The following NKAIN3 variants were observed in gnomAD, a reference collection of about 807,000 sequenced individuals.
NKAIN3 encodes the protein sodium/potassium-transporting ATPase subunit beta-1-interacting protein 3.
A neutral mutation model predicts 30.2 loss-of-function variants in NKAIN3; 25 were observed. The ratio of observed to expected loss-of-function variants is 0.83; its 90% CI spans 0.60 to 1.16. NKAIN3 has a LOEUF of 1.16. Among genes scored for constraint, NKAIN3 ranks in the 50% most tolerant of loss-of-function variants. The pLI is 0.00. For synonymous variants in NKAIN3, 91 were observed against 89.6 expected (o/e 1.02, Z -0.09); for missense variants, 225 against 254.1 (o/e 0.89, Z 0.78).
rs182121518 is a variant in NKAIN3, at chr8:62,387,300, C to T, written c.54+138173C>T. Among the ~76,000 whole-genome samples the T allele has an allele frequency of 3.4e-3, 490 of 145,974 alleles. 3 individuals are homozygous for T. The highest frequency in any genetic ancestry group is 0.011 in the African/African-American group (457 of 40,098). ...CAATAAAACTGGAATATTAGAGTTT[C>T]GGATGGAGTTGTTATCTCAAACACA... On this transcript the variant is annotated intron_variant, in intron 1 of 6. Coordinates refer to ENST00000623646, the MANE Select transcript of NKAIN3 (RefSeq NM_001304533.3).
chr8:62,636,345 A>T (rs562311780), intron 3 of NKAIN3, among the ~76,000 whole-genome samples: 1 of 152,310 alleles, frequency 6.6e-6, no homozygotes, highest in African/African-American at 2.4e-5. Flanking sequence ...TAGCCTGTGA[A>T]GACTTACATA....
intron 4 of NKAIN3, among the ~76,000 whole-genome samples, chr8:62,896,855 G>A (rs543671735): frequency 3.9e-5 from 6 of 152,282 alleles, no homozygotes; most frequent in African/African-American, 1.4e-4. Flanking sequence ...ACCTTTAAGA[G>A]AGCAATCTCA....
chr8:62,555,416 CA>C (rs1235726878), intron 1 of NKAIN3, among the ~76,000 whole-genome samples: 6 of 151,734 alleles, frequency 4.0e-5, no homozygotes, highest in Non-Finnish European at 5.9e-5. Context: ...ACAGAATTAA[CA>C]GAACTAAGAT....
chr8:62,887,556 T>G (rs947250204), intron 4 of NKAIN3, among the ~76,000 whole-genome samples: 1 of 152,188 alleles, frequency 6.6e-6, no homozygotes, highest in Non-Finnish European at 1.5e-5. Context: ...TCTTGTTTTT[T>G]AAATAACTGT....
intron 1 of NKAIN3, among the ~76,000 whole-genome samples, chr8:62,347,539 T>A (rs1292282627): frequency 6.6e-6 from 1 of 152,016 alleles, no homozygotes; most frequent in Non-Finnish European, 1.5e-5. Context: ...AGTAGACATT[T>A]CCATGGAAAT....
chr8:62,607,418 A>C (rs1018921753), intron 3 of NKAIN3, among the ~76,000 whole-genome samples: 3 of 152,124 alleles, frequency 2.0e-5, no homozygotes, highest in African/African-American at 7.2e-5. Context: ...TCTTGGGACC[A>C]TTCAGCACCT....
chr8:62,759,423 T>C (rs897741298), intron 4 of NKAIN3, among the ~76,000 whole-genome samples: 1 of 152,184 alleles, frequency 6.6e-6, no homozygotes, highest in East Asian at 1.9e-4. Flanking sequence ...AGATGAATTA[T>C]GTAGCAGTTG....
intron 4 of NKAIN3, among the ~76,000 whole-genome samples, chr8:62,822,826 A>G (rs1443654635): frequency 6.6e-6 from 1 of 152,188 alleles, no homozygotes; most frequent in Non-Finnish European, 1.5e-5. Flanking sequence ...CTCTGTGTGA[A>G]CATCACAGAA....
chr8:62,313,248 T>A (rs1044530233), intron 1 of NKAIN3, among the ~76,000 whole-genome samples: 2 of 152,300 alleles, frequency 1.3e-5, no homozygotes, highest in African/African-American at 2.4e-5. Context: ...CTCACCCTGT[T>A]TTTGATCAAA....
intron 1 of NKAIN3, among the ~76,000 whole-genome samples, chr8:62,510,735 A>C (rs922915152): frequency 4.6e-5 from 7 of 152,108 alleles, no homozygotes; most frequent in Non-Finnish European, 7.4e-5. Context: ...TTTTAGGGGC[A>C]CAGTGAGATC....
intron 1 of NKAIN3, among the ~76,000 whole-genome samples, chr8:62,266,290 AAAC>A (rs1454123229): frequency 5.9e-5 from 9 of 152,184 alleles, no homozygotes; most frequent in Non-Finnish European, 1.3e-4. Flanking sequence ...ATACTACTGA[AAAC>A]AATCATAAAA....
intron 4 of NKAIN3, among the ~76,000 whole-genome samples, chr8:62,790,581 C>CTGTG (rs35454019): frequency 1.1e-3 from 160 of 147,474 alleles, no homozygotes; most frequent in South Asian, 5.6e-3. Flanking sequence ...GTCTGTCTGT[C>CTGTG]TGTGTGTGTG....
At chr8:62,592,298 C>A (rs1585986210) in intron 3 of NKAIN3, among the ~76,000 whole-genome samples, 1 of 151,998 alleles carries the variant, frequency 6.6e-6, no homozygotes, top group African/African-American at 2.4e-5. Context: ...GAGATTCTTA[C>A]AATGCTGGGC....
chr8:62,668,376 C>T (rs1325394135), intron 3 of NKAIN3, among the ~76,000 whole-genome samples: 1 of 152,086 alleles, frequency 6.6e-6, no homozygotes, highest in Non-Finnish European at 1.5e-5. Flanking sequence ...TTGGTATTGT[C>T]TATGACATAC....
intron 1 of NKAIN3, among the ~76,000 whole-genome samples, chr8:62,309,398 A>G (rs1814356131): frequency 6.6e-6 from 1 of 150,722 alleles, no homozygotes; most frequent in South Asian, 2.1e-4. Flanking sequence ...TAATGCACAT[A>G]CAAGTCACAT....
chr8:62,489,982 T>G (rs1171940393), intron 1 of NKAIN3, among the ~76,000 whole-genome samples: 3 of 152,192 alleles, frequency 2.0e-5, no homozygotes, highest in Admixed American at 6.5e-5. Flanking sequence ...AAGCCCTTAT[T>G]CAATTTTCTT....
intron 1 of NKAIN3, among the ~76,000 whole-genome samples, chr8:62,411,021 C>A (rs1054728879): frequency 6.6e-6 from 1 of 152,132 alleles, no homozygotes; most frequent in Admixed American, 6.5e-5. Context: ...GGCAGAGGGG[C>A]TCCTTCCTAA....
intron 1 of NKAIN3, among the ~76,000 whole-genome samples, chr8:62,402,716 T>C (rs1803920966): frequency 1.3e-5 from 2 of 152,218 alleles, no homozygotes; most frequent in South Asian, 4.1e-4. Context: ...TAAGTGAATT[T>C]AACCTCTTTC....
chr8:62,756,405 CT>C (rs1816453735), intron 4 of NKAIN3, among the ~76,000 whole-genome samples: 1 of 152,238 alleles, frequency 6.6e-6, no homozygotes, highest in Admixed American at 6.5e-5. Context: ...TCAGAACTTC[CT>C]TTTTTATGGC....
Sources: allele counts gnomAD v4.1 joint callset (sites outside exome capture counted in the v4.1 genomes callset), GRCh38; gene constraint gnomAD v4.1.1; transcripts MANE v1.5; gene names NCBI Gene and HGNC (gene_info 2026-07-23, HGNC 2026-07-21).